Variants in TPO observed in about 807,000 individuals in gnomAD.
TPO encodes thyroid microsomal antigen.
A neutral mutation model predicts 96.9 loss-of-function variants in TPO; 78 were observed. The ratio of observed to expected loss-of-function variants is 0.81; its 90% CI spans 0.67 to 0.97. The LOEUF (loss-of-function observed/expected upper bound fraction) is 0.97, where lower values mean the gene tolerates loss of function less well. Ranked by LOEUF, TPO falls within the 50% of genes least tolerant of loss-of-function variation. The pLI is 0.00. For missense variants in TPO, 1,252 were observed against 1,274.8 expected (o/e 0.98, Z 0.27); for synonymous variants, 547 against 538.0 (o/e 1.02, Z -0.23).
chr2:1,531,370 C>A (rs1298411638), intron 15 of TPO, among the ~76,000 whole-genome samples: 2 of 88,938 alleles, frequency 2.2e-5, no homozygotes, highest in Non-Finnish European at 4.3e-5. Context: ...CAAATCCTCC[C>A]GACTCTGTGC....
Position 1,477,592 on chromosome 2 carries a change from C to T in TPO, c.1326C>T (p.Gly442=), listed in dbSNP as rs781032903. ...AVYQEARKVV[G]ALHQIITLRD... ...ACCAGGAGGCGCGCAAGGTCGTGGG[C>T]GCTCTGCACCAGGTGCGCGGGGTGG... is the stretch of plus-strand genomic sequence containing the variant. The change falls in exon 8 of 17, where the codon GGC becomes GGT. Residue 442 remains glycine, a synonymous_variant. Transcript: ENST00000329066. 3 of 1,529,996 alleles carry T rather than the reference C, an allele frequency of 2.0e-6. No individual in the cohort carries two copies. Among genetic ancestry groups the T allele is most frequent in the African/African-American group, 1.4e-5 (1 of 71,492 alleles). The allele number at this position is 1,529,996 out of a possible 1,614,324, so 94.8% of individuals were successfully genotyped here.
At chr2:1,460,651 CA>C (rs1395552971) in intron 7 of TPO, among the ~76,000 whole-genome samples, 1 of 152,190 alleles carries the variant, frequency 6.6e-6, no homozygotes, top group Non-Finnish European at 1.5e-5. Flanking sequence ...TTTGCAAAAC[CA>C]GGCTCAGAGA....
chr2:1,510,436 C>T (rs1394834914), intron 14 of TPO, among the ~76,000 whole-genome samples: 2 of 152,158 alleles, frequency 1.3e-5, no homozygotes, highest in Non-Finnish European at 2.9e-5. Context: ...CCAGGAAACA[C>T]TTCTACTGCT....
chr2:1,416,070 C>A (rs573891150), intron 2 of TPO, among the ~76,000 whole-genome samples: 1 of 152,270 alleles, frequency 6.6e-6, no homozygotes, highest in East Asian at 1.9e-4. Context: ...CCCTCCCCTG[C>A]AAATGGAGAA....
At chr2:1,468,580 A>T (rs898048692) in intron 7 of TPO, among the ~76,000 whole-genome samples, 1 of 152,082 alleles carries the variant, frequency 6.6e-6, no homozygotes, top group Non-Finnish European at 1.5e-5. Context: ...ATCTGCTGTT[A>T]ATCTGATAGG....
At chr2:1,443,990 T>C (rs1459349688) in intron 5 of TPO, among the ~76,000 whole-genome samples, 1 of 137,698 alleles carries the variant, frequency 7.3e-6, no homozygotes, top group African/African-American at 2.8e-5. Flanking sequence ...CTTGTTTGTA[T>C]GATCCAATCA....
intron 10 of TPO, among the ~76,000 whole-genome samples, chr2:1,490,850 G>A (rs1244038858): frequency 6.6e-6 from 1 of 152,196 alleles, no homozygotes; most frequent in Non-Finnish European, 1.5e-5. Context: ...ACTTTACGGG[G>A]AATATAAAAT....
intron 1 of TPO, among the ~76,000 whole-genome samples, chr2:1,405,359 G>A (rs543986825): frequency 4.1e-5 from 6 of 146,340 alleles, no homozygotes; most frequent in South Asian, 2.2e-4. Context: ...CCACCCACTC[G>A]TTCATCCACC....
chr2:1,393,902 T>C (rs1192894911), intron 1 of TPO, among the ~76,000 whole-genome samples: 1 of 152,234 alleles, frequency 6.6e-6, no homozygotes, highest in Admixed American at 6.5e-5. Context: ...AAAGTGGAGC[T>C]ACTATTTATT....
At position 1,456,078 on chromosome 2, in the gene TPO, C is replaced by A. The variant is rs781139239; in HGVS notation, c.615C>A (p.Val205=). The change falls in exon 7 of 17, where the codon GTC becomes GTA. Residue 205 remains valine (V), a splice_region_variant and synonymous_variant. Coordinates refer to ENST00000329066, the MANE Select transcript of TPO (RefSeq NM_001206744.2). ...ACCAATGGTCTCTTCCTACCCAGGT[C>A]CGGGAGGTGACAAGACATGTCATTC... ...FLYNGFPLPP[V]REVTRHVIQV... is the part of the protein sequence containing the mutation. 1.9e-6 allele frequency: 3 copies of A among 1,613,664 alleles called. No homozygotes were observed. Among genetic ancestry groups the A allele is most frequent in the Non-Finnish European group, 2.5e-6 (3 of 1,179,910 alleles).
intron 7 of TPO, among the ~76,000 whole-genome samples, chr2:1,474,326 T>C (rs1433869497): frequency 6.6e-6 from 1 of 152,268 alleles, no homozygotes; most frequent in East Asian, 1.9e-4. Context: ...TAGATTCTAT[T>C]TGACTATGGT....
At chr2:1,411,800 C>A (rs1464636156), upstream of TPO, among the ~76,000 whole-genome samples, 1 of 152,184 alleles carries the variant, frequency 6.6e-6, no homozygotes, top group Non-Finnish European at 1.5e-5. Flanking sequence ...GACTTTCCCA[C>A]CTTTGTCTTG....
intron 1 of TPO, among the ~76,000 whole-genome samples, chr2:1,383,046 G>A (rs1049206846): frequency 3.3e-5 from 5 of 151,938 alleles, no homozygotes; most frequent in African/African-American, 1.2e-4. Context: ...CCCTACAAAG[G>A]ACATGAACTC....
chr2:1,391,991 A>G (rs1355921657), intron 1 of TPO, among the ~76,000 whole-genome samples: 1 of 152,148 alleles, frequency 6.6e-6, no homozygotes, highest in Non-Finnish European at 1.5e-5. Context: ...TCTTTTCCTA[A>G]TTGAATACCC....
chr2:1,504,191 G>A, intron 14 of TPO, 112 bp downstream of exon 14: 2 of 1,581,070 alleles, frequency 1.3e-6, no homozygotes, highest in Non-Finnish European at 1.7e-6. Flanking sequence ...GGGAAGGGCG[G>A]AGATGAATAA....
Position 1,477,828 on chromosome 2 carries a change from C to T in TPO, c.1338+224C>T, listed in dbSNP as rs1670129219. 3.0e-6 allele frequency: 3 copies of T among 985,274 alleles called. No homozygotes were observed. The African/African-American group carries it at 5.2e-5, about 17-fold the overall frequency. The allele number at this position is 985,274 out of a possible 1,614,324, so 61.0% of individuals were successfully genotyped here. ...TCATCGTGAGCTCCTGTGCAGGGGC[C>T]GAAGGGTAACTCCGGAGCTGGCGGC... On this transcript the variant is annotated intron_variant, in intron 8 of 16. Coordinates refer to ENST00000329066, the MANE Select transcript of TPO (RefSeq NM_001206744.2).
At chr2:1,519,746 G>A (rs188359273) in intron 15 of TPO, among the ~76,000 whole-genome samples, 135 of 152,268 alleles carry the variant, frequency 8.9e-4, no homozygotes, top group African/African-American at 3.2e-3. Context: ...AACAAAAACT[G>A]ATACGACTAT....
chr2:1,502,276 C>T (rs1405981950), intron 13 of TPO, among the ~76,000 whole-genome samples: 3 of 152,270 alleles, frequency 2.0e-5, no homozygotes, highest in African/African-American at 7.2e-5. Flanking sequence ...GTTTAACAGC[C>T]TTGACATGGT....
chr2:1,489,013 T>C (rs1436062405), intron 10 of TPO, among the ~76,000 whole-genome samples: 1 of 152,154 alleles, frequency 6.6e-6, no homozygotes, highest in East Asian at 1.9e-4. Context: ...GAGCACAGCC[T>C]ACACATGCCT....
Sources: gnomAD v4.1 joint callset for allele counts (sites outside exome capture counted in the v4.1 genomes callset) on GRCh38, gnomAD v4.1.1 for gene constraint, MANE v1.5 for transcripts, NCBI Gene and HGNC (gene_info 2026-07-23, HGNC 2026-07-21) for gene names.